Variants in TADA2A observed in about 807,000 individuals in gnomAD.
The protein encoded by TADA2A is transcriptional adaptor 2A, also known as transcriptional adapter 2-alpha.
Under a neutral mutation model 67.4 loss-of-function variants are expected in TADA2A, and 38 were observed. The observed-to-expected ratio is 0.56, with a 90% CI of 0.44 to 0.74. TADA2A has a LOEUF of 0.74. Ranked by LOEUF, TADA2A falls within the 30% of genes least tolerant of loss-of-function variation. The probability of loss-of-function intolerance (pLI) is 0.00; values close to 1 mark genes in which losing one functional copy is unlikely to be tolerated. For synonymous variants in TADA2A, 192 were observed against 181.6 expected (o/e 1.06, Z -0.46); for missense variants, 454 against 547.0 (o/e 0.83, Z 1.70).
At position 37,442,507 on chromosome 17, in the gene TADA2A, A is replaced by G. The variant is rs1160638913; in HGVS notation, c.443-57A>G. The G allele has an allele frequency of 8.9e-6, 12 of 1,349,706 alleles. No individual in the cohort carries two copies. In the East Asian group the frequency reaches 2.8e-4, roughly 32 times the overall value. 83.6% of individuals were successfully genotyped at this position (1,349,706 alleles called of 1,614,324 possible). On this transcript the variant is annotated intron_variant, in intron 6 of 15. Transcript: ENST00000615182. ...TTATTTATTCTTGGACTATTATGTC[A>G]TTTTTTTCATGCCAATATTGTATTA...
intron 2 of TADA2A, among the ~76,000 whole-genome samples, chr17:37,411,591 T>C (rs545871373): frequency 6.6e-6 from 1 of 151,918 alleles, no homozygotes; most frequent in Admixed American, 6.6e-5. Context: ...CACAGCTAAT[T>C]TTTTTTATTT....
intron 3 of TADA2A, among the ~76,000 whole-genome samples, chr17:37,424,598 C>T (rs1267222894): frequency 6.6e-6 from 1 of 152,078 alleles, no homozygotes; most frequent in African/African-American, 2.4e-5. Context: ...CTATTGTTTT[C>T]CAGGCTGGAG....
chr17:37,475,451 C>G (rs1232845074), intron 15 of TADA2A, among the ~76,000 whole-genome samples: 2 of 151,918 alleles, frequency 1.3e-5, no homozygotes, highest in East Asian at 1.9e-4. Flanking sequence ...GTTGGGATTA[C>G]AGGCGTGAGC....
At chr17:37,407,641 T>G (rs2051638127) in intron 1 of TADA2A, 1 of 152,176 alleles carries the variant, frequency 6.6e-6, no homozygotes, top group Non-Finnish European at 1.5e-5. Context: ...CCTTTTTTTT[T>G]TTTTCTCCTA....
Position 37,476,937 on chromosome 17 carries a change from A to T in TADA2A, c.1287A>T (p.Lys429Asn). Residue 429 changes from lysine to asparagine, a missense_variant, in exon 16 of 16, where the codon AAA becomes AAT. By Grantham distance (94) the Lys-to-Asn change is moderately conservative (BLOSUM62 0). Coordinates refer to ENST00000615182, the MANE Select transcript of TADA2A (RefSeq NM_001166105.3). ...LIKIDVNKTR[K>N]IYDFLIREGY... ...AGATAGATGTGAACAAAACCCGGAA[A>T]ATCTATGATTTCCTCATCAGAGAAG... 1 of 1,614,028 alleles carries T rather than the reference A, an allele frequency of 6.2e-7. No homozygotes were observed. The highest frequency in any genetic ancestry group is 8.5e-7 in the Non-Finnish European group (1 of 1,179,936).
rs755463093 is a variant in TADA2A, at chr17:37,465,409, T to A, written c.713-22T>A. ...GATCCTTACATTTCCCATGACACAT[T>A]TATGTTTTATTTTCTCTGTAGTAAT... On this transcript the variant is annotated intron_variant, in intron 10 of 15. Transcript: ENST00000615182. The A allele has an allele frequency of 4.2e-5, 65 of 1,558,922 alleles. 1 individual carries two copies. In the Admixed American group the frequency reaches 1.1e-3, roughly 27 times the overall value.
chr17:37,440,744 G>A, intron 6 of TADA2A, 82 bp downstream of exon 6: 2 of 1,503,506 alleles, frequency 1.3e-6, no homozygotes, highest in Admixed American at 1.9e-5. Context: ...GTGATTTGAT[G>A]ACTTGGACAG....
chr17:37,458,989 G>A (rs904280977), intron 9 of TADA2A, among the ~76,000 whole-genome samples: 1 of 152,046 alleles, frequency 6.6e-6, no homozygotes, highest in Non-Finnish European at 1.5e-5. Flanking sequence ...AGCTTTGAGT[G>A]ATTGACCACA....
intron 5 of TADA2A, among the ~76,000 whole-genome samples, chr17:37,439,408 G>T (rs1179615738): frequency 6.6e-6 from 1 of 151,944 alleles, no homozygotes; most frequent in Admixed American, 6.6e-5. Flanking sequence ...TCAGGCTCCC[G>T]AGTAGCTGGG....
chr17:37,450,171 G>A (rs1053903721), intron 8 of TADA2A, among the ~76,000 whole-genome samples: 9 of 152,284 alleles, frequency 5.9e-5, no homozygotes, highest in Middle Eastern at 6.8e-3. Context: ...TGTGACTCAC[G>A]AGCGACAGGT....
In TADA2A at chr17:37,440,611, C is replaced by G; in HGVS notation, c.391C>G (p.Leu131Val). Residue 131 changes from leucine to valine, a missense_variant, in exon 6 of 16, where the codon CTG (leucine) becomes GTG (valine). Leu to Val is a conservative substitution (Grantham distance 32). This residue lies in a region of TADA2A where 403 missense variants were observed against 455.5 expected (regional missense o/e 0.88). Coordinates refer to ENST00000615182, the MANE Select transcript of TADA2A (RefSeq NM_001166105.3). ...TCTGTTTGCATCTACCCTGCTGAAC[C>G]TGAAACAAGCAGAGGAAGCAAAAAC... ...NPLFASTLLN[L>V]KQAEEAKTAD... 1 of 1,614,148 alleles carries G rather than the reference C, an allele frequency of 6.2e-7. No homozygotes were observed. The highest frequency in any genetic ancestry group is 8.5e-7 in the Non-Finnish European group (1 of 1,180,020).
intron 8 of TADA2A, among the ~76,000 whole-genome samples, chr17:37,448,093 G>T (rs979413833): frequency 1.3e-5 from 2 of 152,132 alleles, no homozygotes; most frequent in African/African-American, 4.8e-5. Flanking sequence ...ATACCATTAT[G>T]CTCTTAATAT....
At chr17:37,475,323 C>T (rs1035728905) in intron 15 of TADA2A, among the ~76,000 whole-genome samples, 1 of 151,858 alleles carries the variant, frequency 6.6e-6, no homozygotes, top group Non-Finnish European at 1.5e-5. Context: ...ACTATAGGCG[C>T]TTGCCACCAT....
Position 37,465,557 on chromosome 17 carries a change from G to A in TADA2A, c.823+16G>A. On this transcript the variant is annotated intron_variant, in intron 11 of 15. Transcript: ENST00000615182. ...AGCCATGCATGTAGGTGGTTTTTGA[G>A]CCTTGAGCAGTATTTGTGTGTGTAT... 1.2e-6 allele frequency: 2 copies of A among 1,614,016 alleles called. No homozygotes were observed. The highest frequency in any genetic ancestry group is 1.7e-6 in the Non-Finnish European group (2 of 1,179,986).
At chr17:37,429,172 A>T (rs1330916291) in intron 4 of TADA2A, among the ~76,000 whole-genome samples, 1 of 151,890 alleles carries the variant, frequency 6.6e-6, no homozygotes, top group Non-Finnish European at 1.5e-5. Context: ...GGCTCAAGTG[A>T]TCCTCCCACC....
chr17:37,470,513 C>A lies in TADA2A; in HGVS notation c.1009C>A (p.Leu337Ile). 6.4e-7 allele frequency: 1 copy of A among 1,573,540 alleles called. No homozygotes were observed. Among genetic ancestry groups the A allele is most frequent in the Non-Finnish European group, 8.6e-7 (1 of 1,163,284 alleles). ...GGACAGTAGTGCTTGCCAGCAGTGG[C>A]TCCGCCGGCAAGCTGACATGTGAGT... is the stretch of plus-strand genomic sequence containing the variant. Reference protein sequence around the residue: ...IQDSSACQQWLRRQADIDSGL... With the variant: ...IQDSSACQQWIRRQADIDSGL... The change falls in exon 13 of 16, where the codon CTC becomes ATC. Residue 337 changes from leucine to isoleucine, a missense_variant. Transcript: ENST00000615182.
chr17:37,461,616 A>T (rs571003427), intron 9 of TADA2A, among the ~76,000 whole-genome samples: 1 of 152,276 alleles, frequency 6.6e-6, no homozygotes, highest in East Asian at 1.9e-4. Context: ...CACAATATTT[A>T]TTTCTAGTAC....
At position 37,440,606 on chromosome 17, in the gene TADA2A, T is replaced by C. The variant is rs756551066; in HGVS notation, c.386T>C (p.Leu129Pro). 1 of 1,614,208 alleles carries C rather than the reference T, an allele frequency of 6.2e-7. No individual in the cohort carries two copies. The change falls in exon 6 of 16, where the codon CTG becomes CCG. Residue 129 changes from leucine to proline, a missense_variant. Leu to Pro is a moderately conservative substitution (Grantham distance 98). This residue lies in a region of TADA2A where 403 missense variants were observed against 455.5 expected (regional missense o/e 0.88). Coordinates refer to ENST00000615182, the MANE Select transcript of TADA2A (RefSeq NM_001166105.3). The stretch of plus-strand genomic sequence containing the variant: ...AACCCTCTGTTTGCATCTACCCTGC[T>C]GAACCTGAAACAAGCAGAGGAAGCA... ...INNPLFASTL[L>P]NLKQAEEAKT...
intron 9 of TADA2A, among the ~76,000 whole-genome samples, chr17:37,460,122 T>C (rs1471623911): frequency 2.0e-5 from 3 of 150,544 alleles, no homozygotes; most frequent in East Asian, 4.0e-4. Flanking sequence ...CAATGTTGCC[T>C]GGGCTGGTCC....
Sources: allele counts gnomAD v4.1 joint callset (sites outside exome capture counted in the v4.1 genomes callset), GRCh38; gene constraint gnomAD v4.1.1; regional missense constraint gnomAD v4.1.1; transcripts MANE v1.5; gene names NCBI Gene and HGNC (gene_info 2026-07-23, HGNC 2026-07-21).